The following MDGA2 variants were observed in gnomAD, a reference collection of about 807,000 sequenced individuals.
MDGA2 encodes the protein MAM domain-containing glycosylphosphatidylinositol anchor protein 2.
A neutral mutation model predicts 117.8 loss-of-function variants in MDGA2; 40 were observed. The ratio of observed to expected loss-of-function variants is 0.34; its 90% confidence interval spans 0.26 to 0.44. The LOEUF is 0.44. Among genes scored for constraint, MDGA2 ranks in the 20% least tolerant of loss-of-function variants. The probability of loss-of-function intolerance (pLI) is 1.00; values close to 1 mark genes in which losing one functional copy is unlikely to be tolerated. For missense variants in MDGA2, 1,123 were observed against 1,250.6 expected (o/e 0.90, Z 1.54); for synonymous variants, 452 against 439.0 (o/e 1.03, Z -0.37).
At chr14:46,861,419 T>C (rs1266243896) in intron 14 of MDGA2, among the ~76,000 whole-genome samples, 1 of 151,886 alleles carries the variant, frequency 6.6e-6, no homozygotes. Flanking sequence ...CATTTTCTTT[T>C]TACATATGTA....
chr14:47,130,047 G>T (rs1425684452), intron 5 of MDGA2, among the ~76,000 whole-genome samples: 8 of 151,016 alleles, frequency 5.3e-5, no homozygotes, highest in Non-Finnish European at 7.4e-5. Context: ...TAGGTTGCCT[G>T]TTCACTCTGA....
At chr14:47,310,989 A>G (rs1445349670) in intron 1 of MDGA2, among the ~76,000 whole-genome samples, 5 of 152,130 alleles carry the variant, frequency 3.3e-5, no homozygotes, top group African/African-American at 7.2e-5. Flanking sequence ...GTCAGAAGCC[A>G]TATATCATGT....
At chr14:47,542,287 G>C (rs1450874986) in intron 1 of MDGA2, among the ~76,000 whole-genome samples, 1 of 152,050 alleles carries the variant, frequency 6.6e-6, no homozygotes, top group Non-Finnish European at 1.5e-5. Context: ...ATTTTATAGG[G>C]AGCCAAAATA....
intron 1 of MDGA2, among the ~76,000 whole-genome samples, chr14:47,561,158 G>GGTTTTTTTTTTTTTTTTTTTT (rs1566515949): frequency 5.4e-5 from 3 of 55,076 alleles, no homozygotes; most frequent in Non-Finnish European, 8.7e-5. Flanking sequence ...TTTTTGTTTT[G>GGTTTTTTTTTTTTTTTTTTTT]TTTTGTTTTT....
chr14:47,092,306 G>A (rs899273733), intron 6 of MDGA2, among the ~76,000 whole-genome samples: 2 of 152,074 alleles, frequency 1.3e-5, no homozygotes, highest in African/African-American at 2.4e-5. Flanking sequence ...CTACATTTTT[G>A]TAAAACTAGA....
intron 9 of MDGA2, among the ~76,000 whole-genome samples, chr14:46,930,695 T>C (rs1878799923): frequency 6.6e-6 from 1 of 152,198 alleles, no homozygotes; most frequent in African/African-American, 2.4e-5. Context: ...TCCTTATAAC[T>C]ACCTTCATTT....
chr14:47,006,924 A>T (rs1040535493), intron 8 of MDGA2, among the ~76,000 whole-genome samples: 1 of 151,752 alleles, frequency 6.6e-6, no homozygotes, highest in African/African-American at 2.4e-5. Flanking sequence ...GTCCTGGAGC[A>T]GGCTGGAGAC....
intron 14 of MDGA2, among the ~76,000 whole-genome samples, chr14:46,857,087 A>G (rs1881297983): frequency 6.6e-6 from 1 of 152,178 alleles, no homozygotes; most frequent in Non-Finnish European, 1.5e-5. Flanking sequence ...TATATCTTTT[A>G]CTTTTGTTTA....
intron 10 of MDGA2, among the ~76,000 whole-genome samples, chr14:46,906,377 TG>T (rs890876311): frequency 2.0e-5 from 3 of 152,082 alleles, no homozygotes; most frequent in African/African-American, 7.2e-5. Context: ...AAGTAATAGT[TG>T]GGACCAGAAT....
chr14:47,178,744 A>G (rs1884580699), intron 3 of MDGA2, among the ~76,000 whole-genome samples: 1 of 152,140 alleles, frequency 6.6e-6, no homozygotes, highest in South Asian at 2.1e-4. Flanking sequence ...TAGAAATGTG[A>G]TTAACTACAC....
intron 8 of MDGA2, among the ~76,000 whole-genome samples, chr14:47,023,196 C>T (rs113033803): frequency 9.5e-5 from 7 of 73,368 alleles, no homozygotes; most frequent in South Asian, 3.6e-4. Flanking sequence ...TATTCCCACT[C>T]GTAAAAAAAA....
At chr14:47,036,270 C>CAAAAAAAAAAAAA (rs11310113) in intron 7 of MDGA2, among the ~76,000 whole-genome samples, 2 of 74,444 alleles carry the variant, frequency 2.7e-5, no homozygotes, top group Non-Finnish European at 4.8e-5. Flanking sequence ...ACTCTGTCTC[C>CAAAAAAAAAAAAA]AAAAAAAAAA....
intron 8 of MDGA2, among the ~76,000 whole-genome samples, chr14:47,016,362 G>A (rs571523914): frequency 6.6e-6 from 1 of 151,930 alleles, no homozygotes; most frequent in African/African-American, 2.4e-5. Context: ...TGTAGTATCA[G>A]TTATTATATT....
intron 1 of MDGA2, among the ~76,000 whole-genome samples, chr14:47,322,975 A>G (rs988102864): frequency 6.6e-6 from 1 of 151,822 alleles, no homozygotes; most frequent in African/African-American, 2.4e-5. Context: ...ATTAATAGAA[A>G]TTCTGTAGTT....
rs555349495 is a variant in MDGA2, at chr14:47,317,672, T to C, written c.281-16122A>G. The stretch of plus-strand genomic sequence containing the variant: ...AGAGGACCTAGGGCTCATCCCAATT[T>C]GGTTGTATAGGGAAAAGAGTAAAAA... On this transcript the variant is annotated intron_variant, in intron 1 of 16. Transcript: ENST00000399232. 7.8e-4 allele frequency among the ~76,000 whole-genome samples: 118 copies of C among 152,194 alleles called. 2 individuals carry two copies. Among genetic ancestry groups the C allele is most frequent in the Middle Eastern group, 3.4e-3 (1 of 294 alleles).
chr14:47,093,439 T>C (rs1879786625), intron 6 of MDGA2, among the ~76,000 whole-genome samples: 1 of 152,168 alleles, frequency 6.6e-6, no homozygotes, highest in Middle Eastern at 3.4e-3. Context: ...CAGAGACCTT[T>C]ACATGGAAGT....
intron 4 of MDGA2, 132 bp from the exon 5 acceptor site, chr14:47,131,978 G>A: frequency 4.8e-6 from 3 of 626,306 alleles, no homozygotes; most frequent in South Asian, 6.3e-5. Flanking sequence ...TTTTTTTAAG[G>A]GAAATGTCCT....
intron 1 of MDGA2, among the ~76,000 whole-genome samples, chr14:47,533,406 A>G (rs1400488156): frequency 6.6e-6 from 1 of 152,182 alleles, no homozygotes; most frequent in Non-Finnish European, 1.5e-5. Context: ...CTTAGTATAT[A>G]TGTTGGGATT....
intron 1 of MDGA2, among the ~76,000 whole-genome samples, chr14:47,443,950 A>G (rs1375294818): frequency 6.6e-6 from 1 of 152,178 alleles, no homozygotes; most frequent in East Asian, 1.9e-4. Context: ...TTTTGCCAAA[A>G]CACAGTTACT....
Sources: allele counts gnomAD v4.1 joint callset (sites outside exome capture counted in the v4.1 genomes callset), GRCh38; gene constraint gnomAD v4.1.1; transcripts MANE v1.5; gene names NCBI Gene and HGNC (gene_info 2026-07-23, HGNC 2026-07-21).